The following SEMA3B variants were observed in gnomAD, a reference collection of about 807,000 sequenced individuals.
SEMA3B encodes the protein semaphorin 3B, also known as semaphorin-3B.
Under a neutral mutation model 77.8 loss-of-function variants are expected in SEMA3B, and 71 were observed. The observed-to-expected ratio is 0.91, with a 90% CI of 0.75 to 1.11. The LOEUF (loss-of-function observed/expected upper bound fraction) is 1.11, where lower values mean the gene tolerates loss of function less well. SEMA3B is among the 50% of genes most tolerant of loss of function. The pLI is 0.00. For missense variants in SEMA3B, 968 were observed against 1,056.8 expected (o/e 0.92, Z 1.17); for synonymous variants, 470 against 452.9 (o/e 1.04, Z -0.48).
In SEMA3B at chr3:50,270,128, G is replaced by T; in HGVS notation, c.111G>T (p.Glu37Asp). The change falls in exon 2 of 17, where the codon GAG becomes GAT. Residue 37 changes from glutamate (E) to aspartate (D), a missense_variant and splice_region_variant. Coordinates refer to ENST00000616701, the MANE Select transcript of SEMA3B (RefSeq NM_001290060.2). This position sits in a 1 kb window ranked among gnomAD's most constrained non-coding sequence, Gnocchi z 4.7. ...SPPRLRLSFQ[E>D]LQAWHGLQTF... ...CATCAGCAGTGTCCTGCCCTGCAGA[G>T]CTCCAGGCCTGGCATGGTCTCCAGA... 1 of 1,549,602 alleles carries T rather than the reference G, an allele frequency of 6.5e-7. No homozygotes were observed. The highest frequency in any genetic ancestry group is 1.4e-5 in the African/African-American group (1 of 73,216).
chr3:50,271,243 C>T (rs2109238918), intron 5 of SEMA3B, 62 bp downstream of exon 5: 1 of 1,546,926 alleles, frequency 6.5e-7, no homozygotes, highest in Non-Finnish European at 8.7e-7. Context: ...TCACAAAGTC[C>T]CAAGACCCCC....
At chr3:50,267,585 T>C (rs1381446142), upstream of SEMA3B, 1 of 152,038 alleles carries the variant, frequency 6.6e-6, no homozygotes, top group East Asian at 1.9e-4. The surrounding 1 kb of genome is among the most constrained non-coding windows in gnomAD (Gnocchi z 5.7). Context: ...GGGCGGTGCG[T>C]GGGGCGGTGG....
At position 50,269,335 on chromosome 3, in the gene SEMA3B, G is replaced by T. The variant is rs913187131; in HGVS notation, c.95G>T (p.Arg32Leu). 2.7e-5 allele frequency: 40 copies of T among 1,508,596 alleles called. No individual in the cohort carries two copies. Among genetic ancestry groups the T allele is most frequent in the Non-Finnish European group, 3.4e-5 (38 of 1,133,386 alleles). The allele number at this position is 1,508,596 out of a possible 1,614,324, so 93.5% of individuals were successfully genotyped here. The change falls in exon 1 of 17, where the codon CGG becomes CTG. Residue 32 changes from arginine to leucine, a missense_variant. Coordinates refer to ENST00000616701, the MANE Select transcript of SEMA3B (RefSeq NM_001290060.2). This position sits in a 1 kb window ranked among gnomAD's most constrained non-coding sequence, Gnocchi z 4.0. ...GCCGCCCCCAGCCCCCCACGCCTTC[G>T]GCTCTCCTTCCAAGGTAGGTGCACC... is the stretch of plus-strand genomic sequence containing the variant. Reference protein sequence around the residue: ...GSAAPSPPRLRLSFQELQAWH... With the variant: ...GSAAPSPPRLLLSFQELQAWH...
At chr3:50,265,918 A>G (rs1553704394), upstream of SEMA3B, among the ~76,000 whole-genome samples, 1 of 152,204 alleles carries the variant, frequency 6.6e-6, no homozygotes, top group Non-Finnish European at 1.5e-5. Context: ...GGGAGGGTAC[A>G]CATCTAGAGG....
chr3:50,269,337 C>A lies in SEMA3B; in HGVS notation c.97C>A (p.Leu33Ile). ...CGCCCCCAGCCCCCCACGCCTTCGG[C>A]TCTCCTTCCAAGGTAGGTGCACCTG... ...SAAPSPPRLR[L>I]SFQELQAWHG... Residue 33 changes from leucine to isoleucine, a missense_variant, in exon 1 of 17, where the codon CTC becomes ATC. Transcript: ENST00000616701. The surrounding 1 kb of genome is among the most constrained non-coding windows in gnomAD (Gnocchi z 4.0). 1 of 1,506,956 alleles carries A rather than the reference C, an allele frequency of 6.6e-7. No individual in the cohort carries two copies. Among genetic ancestry groups the A allele is most frequent in the East Asian group, 2.5e-5 (1 of 40,546 alleles). The allele number at this position is 1,506,956 out of a possible 1,614,324, so 93.3% of individuals were successfully genotyped here. A position where few individuals can be genotyped will look rare whatever the true frequency, so the allele number is the denominator to read the frequency against.
upstream of SEMA3B, among the ~76,000 whole-genome samples, chr3:50,265,468 G>C (rs999946092): frequency 1.7e-4 from 26 of 152,230 alleles, no homozygotes; most frequent in African/African-American, 6.3e-4. Context: ...CTGGTGGCCA[G>C]GGGTGGGGAG....
Position 50,276,398 on chromosome 3 carries a change from G to T in SEMA3B, c.1942G>T (p.Glu648Ter), listed in dbSNP as rs782395732. ...GGGCGTGTACTTGTGCGCCGCCGTC[G>T]AGCAGGGCTTTACGCAACCGCTGCG... The part of the protein sequence containing the change: ...DSGVYLCAAV[E>*]QGFTQPLRRL... The change falls in exon 17 of 17, where the codon GAG becomes TAG. Residue 648 changes from glutamate (E) to a stop codon, truncating the protein, a stop_gained. Transcript: ENST00000616701. LOFTEE classifies it low-confidence loss of function (END_TRUNC). This position sits in a 1 kb window ranked among gnomAD's most constrained non-coding sequence, Gnocchi z 5.8. 1 of 1,536,580 alleles carries T rather than the reference G, an allele frequency of 6.5e-7. No individual in the cohort carries two copies.
chr3:50,267,483 T>C (rs1404714346), upstream of SEMA3B: 2 of 152,516 alleles, frequency 1.3e-5, no homozygotes, highest in East Asian at 3.9e-4. This position sits in a 1 kb window ranked among gnomAD's most constrained non-coding sequence, Gnocchi z 5.7. Flanking sequence ...CCCTCCCTTG[T>C]GCCCATTCCA....
Position 50,271,353 on chromosome 3 carries a change from G to C in SEMA3B, c.545-8G>C. 1 of 1,567,704 alleles carries C rather than the reference G, an allele frequency of 6.4e-7. No homozygotes were observed. Among genetic ancestry groups the C allele is most frequent in the Non-Finnish European group, 8.6e-7 (1 of 1,156,294 alleles). Reference sequence around the variant, plus strand: ...CATTTGCCTGAGTGGCCCTTGCTCTGTCTGCAGGGGAGGAGCTATACTCAG... The same window carrying C: ...CATTTGCCTGAGTGGCCCTTGCTCTCTCTGCAGGGGAGGAGCTATACTCAG... On this transcript the variant is annotated splice_region_variant and splice_polypyrimidine_tract_variant and intron_variant, in intron 5 of 16. Coordinates refer to ENST00000616701, the MANE Select transcript of SEMA3B (RefSeq NM_001290060.2).
chr3:50,271,953 G>A (rs1276123582), intron 6 of SEMA3B, among the ~76,000 whole-genome samples: 1 of 152,176 alleles, frequency 6.6e-6, no homozygotes, highest in Non-Finnish European at 1.5e-5. Context: ...AAGGGGGCCT[G>A]GACTGTCAGG....
rs1553707170 is a variant in SEMA3B, at chr3:50,277,504, ATC to A, written c.*801_*802del. 4 of 134,436 alleles carry A rather than the reference ATC, an allele frequency of 3.0e-5. No individual in the cohort carries two copies. Among genetic ancestry groups the A allele is most frequent in the African/African-American group, 1.1e-4 (4 of 35,068 alleles). 8.3% of individuals were successfully genotyped at this position (134,436 alleles called of 1,614,324 possible). On this transcript the variant is annotated 3_prime_UTR_variant, in exon 17 of 17. Coordinates refer to ENST00000616701, the MANE Select transcript of SEMA3B (RefSeq NM_001290060.2). ...GAGGTGGAGGTTGCAATGAGCCTAG[ATC>A]TCGCCGCTGCACTCCAGCCTGGGCG... is the stretch of plus-strand genomic sequence containing the variant.
chr3:50,276,175 C>T lies in SEMA3B; in HGVS notation c.1846-127C>T, dbSNP rs1667434457. The T allele has an allele frequency of 1.6e-6, 2 of 1,261,942 alleles. No homozygotes were observed. Among genetic ancestry groups the T allele is most frequent in the South Asian group, 1.6e-5 (1 of 63,046 alleles). The allele number at this position is 1,261,942 out of a possible 1,614,324, so 78.2% of individuals were successfully genotyped here. The stretch of plus-strand genomic sequence containing the variant: ...AAACACTCAGCCTTAAAATGTGCGC[C>T]TGCGGGCACCCCTTTCCCGCTCCAC... On this transcript the variant is annotated intron_variant, in intron 16 of 16. Coordinates refer to ENST00000616701, the MANE Select transcript of SEMA3B (RefSeq NM_001290060.2). The surrounding 1 kb of genome is among the most constrained non-coding windows in gnomAD (Gnocchi z 5.8).
intron 6 of SEMA3B, among the ~76,000 whole-genome samples, chr3:50,272,786 G>A (rs1701087409): frequency 6.6e-6 from 1 of 150,820 alleles, no homozygotes; most frequent in Non-Finnish European, 1.5e-5. Flanking sequence ...TGAGGTTGCA[G>A]TGAGCCGAGA....
intron 6 of SEMA3B, 78 bp downstream of exon 6, chr3:50,271,558 A>C (rs1553705409): frequency 6.5e-7 from 1 of 1,538,510 alleles, no homozygotes; most frequent in Non-Finnish European, 8.8e-7. Flanking sequence ...CCATAAAGTA[A>C]GTGAGCAGTG....
chr3:50,264,723 A>T (rs1431658785), upstream of SEMA3B, among the ~76,000 whole-genome samples: 2 of 152,328 alleles, frequency 1.3e-5, no homozygotes, highest in South Asian at 4.1e-4. Flanking sequence ...CATTCCTGGC[A>T]TAGCCCCCTC....
rs1407288171 is a variant in SEMA3B at position 50,274,470 on chromosome 3, TG to T, written c.1251del (p.Arg418AlafsTer41). The T allele has an allele frequency of 8.4e-6, 13 of 1,550,308 alleles. No homozygotes were observed. Among genetic ancestry groups the T allele is most frequent in the South Asian group, 2.5e-5 (2 of 80,268 alleles). ...TCATGTACAACTCTGTCCTGCCCACTGGGGGGCGCCCTCTTTTCCTACAAGT... is the reference window on the plus strand; with the variant it reads ...TCATGTACAACTCTGTCCTGCCCACTGGGGGCGCCCTCTTTTCCTACAAGT... ...PLMYNSVLPT[G>X]GRPLFLQVGA... is the part of the protein sequence containing the mutation. On this transcript the variant is annotated frameshift_variant, in exon 11 of 17. Coordinates refer to ENST00000616701, the MANE Select transcript of SEMA3B (RefSeq NM_001290060.2). LOFTEE classifies it high-confidence loss of function. The surrounding 1 kb of genome is among the most constrained non-coding windows in gnomAD (Gnocchi z 4.7).
Position 50,271,078 on chromosome 3 carries a change from C to A in SEMA3B, c.451-10C>A. ...AGGGCCTGGTAGTCACAACTTGCCA[C>A]ACCTCCCAGGAGCCCGTCCTCCGGC... On this transcript the variant is annotated splice_polypyrimidine_tract_variant and intron_variant, in intron 4 of 16. Coordinates refer to ENST00000616701, the MANE Select transcript of SEMA3B (RefSeq NM_001290060.2). 1 of 1,576,782 alleles carries A rather than the reference C, an allele frequency of 6.3e-7. No homozygotes were observed. Among genetic ancestry groups the A allele is most frequent in the East Asian group, 2.3e-5 (1 of 42,906 alleles).
Position 50,273,415 on chromosome 3 carries a change from C to T in SEMA3B, c.782C>T (p.Ser261Phe), listed in dbSNP as rs921870045. Reference protein sequence around the residue: ...VEAAPALGRLSVSRVGQICRN... With the variant: ...VEAAPALGRLFVSRVGQICRN... ...GCGGCGCCGGCACTGGGACGCCTGT[C>T]CGTGTCCCGCGTTGGCCAGATCTGC... Residue 261 changes from serine to phenylalanine, a missense_variant, in exon 7 of 17, where the codon TCC becomes TTC. Coordinates refer to ENST00000616701, the MANE Select transcript of SEMA3B (RefSeq NM_001290060.2). This position sits in a 1 kb window ranked among gnomAD's most constrained non-coding sequence, Gnocchi z 6.5. The T allele has an allele frequency of 1.2e-6, 2 of 1,613,706 alleles. No individual in the cohort carries two copies. Among genetic ancestry groups the T allele is most frequent in the African/African-American group, 1.3e-5 (1 of 75,068 alleles).
Position 50,270,933 on chromosome 3 carries a change from G to A in SEMA3B, c.374G>A (p.Arg125His), listed in dbSNP as rs782701806. 35 of 1,610,988 alleles carry A rather than the reference G, an allele frequency of 2.2e-5. No homozygotes were observed. The highest frequency in any genetic ancestry group is 1.3e-4 in the South Asian group (12 of 90,286). ...NFVKLLHAYN[R>H]THLLACGTGA... The stretch of plus-strand genomic sequence containing the variant: ...GTGAAGTTGCTGCATGCCTACAACC[G>A]CACCCATTTGCTGGCCTGTGGCACG... The change falls in exon 4 of 17, where the codon CGC (arginine) becomes CAC (histidine). Residue 125 changes from arginine to histidine, a missense_variant. Transcript: ENST00000616701. This position sits in a 1 kb window ranked among gnomAD's most constrained non-coding sequence, Gnocchi z 4.7.
Sources: gnomAD v4.1 joint callset for allele counts (sites outside exome capture counted in the v4.1 genomes callset) on GRCh38, gnomAD v4.1.1 for gene constraint, Gnocchi (gnomAD v3.1) non-coding constraint, MANE v1.5 for transcripts, NCBI Gene and HGNC (gene_info 2026-07-23, HGNC 2026-07-21) for gene names.